BDNF: variants seen among roughly 807,000 people sequenced by gnomAD.
BDNF encodes the protein neurotrophic factor BDNF precursor form.
BDNF carries 1 observed loss-of-function variant against 19.5 expected under a neutral mutation model. The ratio of observed to expected loss-of-function variants is 0.05; its 90% confidence interval spans 0.02 to 0.24. BDNF has a LOEUF of 0.24. Ranked by LOEUF, BDNF falls within the 10% of genes least tolerant of loss-of-function variation. The pLI is 1.00. For synonymous variants in BDNF, 100 were observed against 121.6 expected (o/e 0.82, Z 1.17); for missense variants, 195 against 317.6 (o/e 0.61, Z 2.93).
chr11:27,691,031 A>G (rs1225940587), intron 1 of BDNF: 1 of 152,228 alleles, frequency 6.6e-6, no homozygotes, highest in African/African-American at 2.4e-5. Flanking sequence ...CTCACATAGC[A>G]AAATGCTTTA....
intron 1 of BDNF, among the ~76,000 whole-genome samples, chr11:27,668,968 T>A (rs1218694556): frequency 6.6e-6 from 1 of 152,198 alleles, no homozygotes; most frequent in Non-Finnish European, 1.5e-5. Context: ...AAAGAGAATT[T>A]CAGGCCAATA....
chr11:27,677,640 A>C (rs957440001), intron 1 of BDNF: 4 of 152,188 alleles, frequency 2.6e-5, no homozygotes, highest in African/African-American at 9.6e-5. Flanking sequence ...ACTAATACAA[A>C]TGATCACCTT....
chr11:27,714,764 C>G (rs754801855), intron 1 of BDNF, among the ~76,000 whole-genome samples: 6 of 152,118 alleles, frequency 3.9e-5, no homozygotes, highest in Non-Finnish European at 8.8e-5. Context: ...TTATATCACT[C>G]AAACTTGGAA....
In BDNF at chr11:27,658,777, A is replaced by G; in HGVS notation, c.-21-192T>C. The G allele has an allele frequency of 6.8e-7, 1 of 1,460,506 alleles. No individual in the cohort carries two copies. The highest frequency in any genetic ancestry group is 2.7e-5 in the Admixed American group (1 of 37,406). The allele number at this position is 1,460,506 out of a possible 1,614,324, so 90.5% of individuals were successfully genotyped here. A position where few individuals can be genotyped will look rare whatever the true frequency, so the allele number is the denominator to read the frequency against. On this transcript the variant is annotated intron_variant, in intron 1 of 1. Coordinates refer to ENST00000356660, the MANE Select transcript of BDNF (RefSeq NM_001709.5). The surrounding 1 kb of genome is among the most constrained non-coding windows in gnomAD (Gnocchi z 5.7). ...GTGTGCTGTATGTGGTTTAATATAA[A>G]CCAGAGACATGCAGTGTTTCCCCCA...
chr11:27,700,693 C>T (rs1389513357), upstream of BDNF: 15 of 1,159,436 alleles, frequency 1.3e-5, no homozygotes, highest in Middle Eastern at 4.0e-4. Flanking sequence ...CCTAGGGCCC[C>T]GCGACATCGC....
rs1234947612 is a variant in BDNF, at chr11:27,657,217, C to G, written c.*604G>C. ...GGAATTCTTTCCCCATCTCTACTCCCTGTGGGAACTAAAAAACAAAACAAA... is the reference window on the plus strand; with the variant it reads ...GGAATTCTTTCCCCATCTCTACTCCGTGTGGGAACTAAAAAACAAAACAAA... On this transcript the variant is annotated 3_prime_UTR_variant, in exon 2 of 2. Transcript: ENST00000356660. This position sits in a 1 kb window ranked among gnomAD's most constrained non-coding sequence, Gnocchi z 5.0. 2.0e-6 allele frequency: 2 copies of G among 984,828 alleles called. No individual in the cohort carries two copies. Among genetic ancestry groups the G allele is most frequent in the African/African-American group, 3.5e-5 (2 of 57,106 alleles). 61.0% of individuals were successfully genotyped at this position (984,828 alleles called of 1,614,324 possible). A position where few individuals can be genotyped will look rare whatever the true frequency, so the allele number is the denominator to read the frequency against.
chr11:27,699,532 C>T (rs1299246641), intron 1 of BDNF: 28 of 1,599,502 alleles, frequency 1.8e-5, no homozygotes, highest in Non-Finnish European at 2.3e-5. Flanking sequence ...GATGTGGGTT[C>T]GGCCTGCCCG....
At chr11:27,696,454 A>G (rs1017160217) in intron 1 of BDNF, 2 of 152,218 alleles carry the variant, frequency 1.3e-5, no homozygotes, top group South Asian at 4.1e-4. Flanking sequence ...AATTTATCAC[A>G]ACACAACTTG....
chr11:27,700,970 C>G, upstream of BDNF: 1 of 1,360,172 alleles, frequency 7.4e-7, no homozygotes. Flanking sequence ...CACAGACACA[C>G]CTTCCCGCAC....
intron 1 of BDNF, among the ~76,000 whole-genome samples, chr11:27,681,149 T>C (rs1217581080): frequency 6.6e-6 from 1 of 152,032 alleles, no homozygotes; most frequent in Non-Finnish European, 1.5e-5. Context: ...GGGATTTCCC[T>C]CAACATTGTT....
intron 1 of BDNF, among the ~76,000 whole-genome samples, chr11:27,707,182 G>A (rs1860143118): frequency 6.6e-6 from 1 of 152,168 alleles, no homozygotes; most frequent in Non-Finnish European, 1.5e-5. Flanking sequence ...ACAAAATCCA[G>A]TTAGAATAAA....
intron 1 of BDNF, among the ~76,000 whole-genome samples, chr11:27,693,128 A>ATT (rs912222452): frequency 1.3e-5 from 2 of 152,302 alleles, no homozygotes; most frequent in African/African-American, 4.8e-5. Flanking sequence ...ATGTACCTAA[A>ATT]ACAACTTATT....
At chr11:27,714,274 G>A (rs1860437942) in intron 1 of BDNF, among the ~76,000 whole-genome samples, 1 of 152,102 alleles carries the variant, frequency 6.6e-6, no homozygotes, top group African/African-American at 2.4e-5. Context: ...CACACCTTCT[G>A]CAATCCTTGG....
upstream of BDNF, among the ~76,000 whole-genome samples, chr11:27,705,022 C>T (rs915346204): frequency 6.6e-6 from 1 of 152,106 alleles, no homozygotes; most frequent in African/African-American, 2.4e-5. Flanking sequence ...CTGATCCCAT[C>T]TGGGAATAAT....
intron 1 of BDNF, 145 bp downstream of exon 1, chr11:27,700,019 A>T (rs560359682): frequency 3.7e-6 from 3 of 810,718 alleles, no homozygotes; most frequent in Admixed American, 1.2e-4. Context: ...CCCCAAGAGT[A>T]ACTCCAAATC....
At chr11:27,718,554 G>T (rs1236422133) in intron 1 of BDNF, among the ~76,000 whole-genome samples, 1 of 13,608 alleles carries the variant, frequency 7.3e-5, no homozygotes, top group South Asian at 2.3e-3. Flanking sequence ...AGCCCCTCCC[G>T]CCACGCTCCC....
Position 27,657,650 on chromosome 11 carries a change from A to G in BDNF, c.*171T>C. 4 of 1,431,816 alleles carry G rather than the reference A, an allele frequency of 2.8e-6. No homozygotes were observed. Among genetic ancestry groups the G allele is most frequent in the South Asian group, 3.1e-5 (2 of 64,424 alleles). 88.7% of individuals were successfully genotyped at this position (1,431,816 alleles called of 1,614,324 possible). ...GCAAATGACTGTTTCCCTTCTGGTC[A>G]TGGACATGTCCAATAAATAGATTGT... is the stretch of plus-strand genomic sequence containing the variant. On this transcript the variant is annotated 3_prime_UTR_variant, in exon 2 of 2. Coordinates refer to ENST00000356660, the MANE Select transcript of BDNF (RefSeq NM_001709.5). The surrounding 1 kb of genome is among the most constrained non-coding windows in gnomAD (Gnocchi z 5.0).
At chr11:27,665,690 C>G (rs557826434) in intron 1 of BDNF, among the ~76,000 whole-genome samples, 1 of 152,176 alleles carries the variant, frequency 6.6e-6, no homozygotes, top group Non-Finnish European at 1.5e-5. Context: ...AGTCTGAGAT[C>G]GAACTGCAAA....
In BDNF at chr11:27,700,409, C is replaced by A. The variant is rs971740850; in HGVS notation, c.-267G>T. The A allele has an allele frequency of 1.2e-4, 121 of 985,790 alleles. No homozygotes were observed. The highest frequency in any genetic ancestry group is 1.4e-4 in the Non-Finnish European group (113 of 830,088). 61.1% of individuals were successfully genotyped at this position (985,790 alleles called of 1,614,324 possible). A position where few individuals can be genotyped will look rare whatever the true frequency, so the allele number is the denominator to read the frequency against. On this transcript the variant is annotated 5_prime_UTR_variant, in exon 1 of 2. Transcript: ENST00000356660. The stretch of plus-strand genomic sequence containing the variant: ...GCGGGACAGCGAGCGGGCGGGTGCG[C>A]CCGGGCGCGGCGGCGGCAGCGTCGG...
Sources: allele counts gnomAD v4.1 joint callset (sites outside exome capture counted in the v4.1 genomes callset), GRCh38; gene constraint gnomAD v4.1.1; non-coding constraint Gnocchi (gnomAD v3.1); transcripts MANE v1.5; gene names NCBI Gene and HGNC (gene_info 2026-07-23, HGNC 2026-07-21).